The following CCSER1 variants were observed in gnomAD, a reference collection of about 807,000 sequenced individuals.
CCSER1 encodes coiled-coil serine rich protein 1, also known as serine-rich coiled-coil domain-containing protein 1.
Under a neutral mutation model 82.0 loss-of-function variants are expected in CCSER1, and 41 were observed. The observed-to-expected ratio is 0.50, with a 90% CI of 0.39 to 0.65. The LOEUF (loss-of-function observed/expected upper bound fraction) is 0.65, where lower values mean the gene tolerates loss of function less well. Among genes scored for constraint, CCSER1 ranks in the 30% least tolerant of loss-of-function variants. The pLI, the probability that CCSER1 is intolerant of heterozygous loss-of-function variation, is 0.00. For missense variants in CCSER1, 1,119 were observed against 1,064.2 expected (o/e 1.05, Z -0.72); for synonymous variants, 414 against 383.9 (o/e 1.08, Z -0.92).
At chr4:91,435,247 G>A (rs926971857) in intron 10 of CCSER1, among the ~76,000 whole-genome samples, 13 of 152,096 alleles carry the variant, frequency 8.5e-5, no homozygotes, top group East Asian at 1.9e-4. Context: ...TGAGACCAGC[G>A]TAGACAAGAT....
intron 4 of CCSER1, among the ~76,000 whole-genome samples, chr4:90,403,329 C>T (rs1054928099): frequency 6.6e-6 from 1 of 151,478 alleles, no homozygotes; most frequent in African/African-American, 2.4e-5. Flanking sequence ...GAAACCCCGT[C>T]TCTACTAAAA....
intron 10 of CCSER1, among the ~76,000 whole-genome samples, chr4:91,236,505 A>G (rs1380866025): frequency 2.0e-5 from 3 of 152,140 alleles, no homozygotes; most frequent in East Asian, 1.9e-4. Flanking sequence ...AAAAGAAAAA[A>G]AAATTGGTAA....
chr4:91,133,412 G>A (rs17018078), intron 10 of CCSER1, among the ~76,000 whole-genome samples: 17,092 of 152,118 alleles, frequency 0.11, 1,252 homozygotes, highest in East Asian at 0.26. Context: ...GATCACATAG[G>A]AAGTCAGCGA....
At chr4:91,253,689 A>G (rs1740445393) in intron 10 of CCSER1, among the ~76,000 whole-genome samples, 1 of 152,200 alleles carries the variant, frequency 6.6e-6, no homozygotes, top group Non-Finnish European at 1.5e-5. Context: ...TAGTAACTGT[A>G]TTAGTTCATT....
At chr4:91,120,426 TC>T (rs1312999075) in intron 10 of CCSER1, among the ~76,000 whole-genome samples, 1 of 151,970 alleles carries the variant, frequency 6.6e-6, no homozygotes, top group Non-Finnish European at 1.5e-5. Context: ...ATTTTCCACC[TC>T]TTAGAGATTA....
intron 3 of CCSER1, among the ~76,000 whole-genome samples, chr4:90,338,892 A>T (rs1485296253): frequency 6.6e-6 from 1 of 152,178 alleles, no homozygotes; most frequent in Non-Finnish European, 1.5e-5. Context: ...CAATAAAATA[A>T]GTAAGTCCTA....
chr4:90,584,418 G>T (rs564103495), intron 5 of CCSER1, among the ~76,000 whole-genome samples: 1 of 152,134 alleles, frequency 6.6e-6, no homozygotes, highest in Non-Finnish European at 1.5e-5. Context: ...TCAAGGAAGC[G>T]TAACTCTGAC....
chr4:91,321,829 G>T (rs987879683), intron 10 of CCSER1, among the ~76,000 whole-genome samples: 1 of 151,774 alleles, frequency 6.6e-6, no homozygotes, highest in Non-Finnish European at 1.5e-5. Context: ...AGCTCCCTTC[G>T]ATCATTTAAA....
intron 10 of CCSER1, among the ~76,000 whole-genome samples, chr4:91,401,317 T>C (rs1752304666): frequency 6.7e-6 from 1 of 148,410 alleles, no homozygotes; most frequent in Non-Finnish European, 1.5e-5. Flanking sequence ...ACAATATAGA[T>C]ATACTGTATA....
intron 10 of CCSER1, among the ~76,000 whole-genome samples, chr4:91,457,094 T>C (rs1039793228): frequency 1.3e-5 from 2 of 152,140 alleles, no homozygotes; most frequent in Non-Finnish European, 2.9e-5. Context: ...ATCTGATATT[T>C]GCAGTTTCCC....
At chr4:90,605,385 A>T (rs1429021272) in intron 5 of CCSER1, among the ~76,000 whole-genome samples, 5 of 152,194 alleles carry the variant, frequency 3.3e-5, no homozygotes, top group Non-Finnish European at 7.3e-5. Flanking sequence ...TGTTATAAAT[A>T]TGGGCCGATA....
intron 3 of CCSER1, among the ~76,000 whole-genome samples, chr4:90,320,505 G>T (rs111617727): frequency 0.019 from 2,951 of 152,208 alleles, 69 homozygotes; most frequent in African/African-American, 0.06. Flanking sequence ...TGGTTTCTAG[G>T]ATTATATGAG....
chr4:90,419,340 C>T (rs562923478), intron 4 of CCSER1, among the ~76,000 whole-genome samples: 8 of 151,994 alleles, frequency 5.3e-5, no homozygotes, highest in African/African-American at 1.9e-4. Flanking sequence ...TCCTGTCATA[C>T]ATTTGTATTC....
At chr4:90,536,107 A>T (rs1775322155) in intron 5 of CCSER1, among the ~76,000 whole-genome samples, 1 of 138,136 alleles carries the variant, frequency 7.2e-6, no homozygotes, top group Admixed American at 8.3e-5. Context: ...ATCTCAGCTC[A>T]CTGCAACCTT....
intron 10 of CCSER1, chr4:91,130,026 G>T (rs961266791): frequency 6.6e-6 from 1 of 151,858 alleles, no homozygotes; most frequent in Non-Finnish European, 1.5e-5. Flanking sequence ...ATAGAGCTCT[G>T]TCTCTTCTTA....
rs114870590 is a variant in CCSER1, at chr4:91,166,266, A to G, written c.2217+80272A>G. Among the ~76,000 whole-genome samples, 6 of 152,198 alleles carry G rather than the reference A, an allele frequency of 3.9e-5. No individual in the cohort carries two copies. In the South Asian group the frequency reaches 8.3e-4, roughly 21 times the overall value. On this transcript the variant is annotated intron_variant, in intron 10 of 10. Transcript: ENST00000509176. ...TTTTTAAAAATCTAAATTTTGTCTT[A>G]TAAGTTGTCATTTATTATTCCATTT...
At chr4:90,437,465 T>C (rs1411876179) in intron 4 of CCSER1, among the ~76,000 whole-genome samples, 1 of 152,196 alleles carries the variant, frequency 6.6e-6, no homozygotes, top group Non-Finnish European at 1.5e-5. Flanking sequence ...AAAACTTAAA[T>C]TTAGATTTCC....
At chr4:91,230,206 A>C (rs1160294697) in intron 10 of CCSER1, among the ~76,000 whole-genome samples, 1 of 152,148 alleles carries the variant, frequency 6.6e-6, no homozygotes, top group African/African-American at 2.4e-5. Context: ...AATGGCACAA[A>C]AGTTGAATCC....
At chr4:90,322,523 A>G (rs546968485) in intron 3 of CCSER1, among the ~76,000 whole-genome samples, 6 of 152,272 alleles carry the variant, frequency 3.9e-5, no homozygotes, top group African/African-American at 2.4e-5. Context: ...GAAGAATGTC[A>G]TTAGTATTTT....
Sources: allele counts gnomAD v4.1 joint callset (sites outside exome capture counted in the v4.1 genomes callset), GRCh38; gene constraint gnomAD v4.1.1; transcripts MANE v1.5; gene names NCBI Gene and HGNC (gene_info 2026-07-23, HGNC 2026-07-21).